The following CHST4 variants were observed in gnomAD, a reference collection of about 807,000 sequenced individuals.
The protein encoded by CHST4 is GST-3.
For synonymous variants in CHST4, 171 were observed against 195.5 expected, an observed-to-expected ratio of 0.87 and a Z score of 1.05; for missense variants, 466 against 506.0, an observed-to-expected ratio of 0.92 and a Z score of 0.76.
In CHST4 at chr16:71,537,578, C is replaced by T. The variant is rs2044001933; in HGVS notation, c.901C>T (p.His301Tyr). 1.9e-6 allele frequency: 3 copies of T among 1,614,056 alleles called. No individual in the cohort carries two copies. Among genetic ancestry groups the T allele is most frequent in the Non-Finnish European group, 2.5e-6 (3 of 1,180,050 alleles). Residue 301 changes from histidine (H) to tyrosine (Y), a missense_variant, in exon 2 of 2, where the codon CAT (histidine) becomes TAT (tyrosine). Coordinates refer to ENST00000539698, the MANE Select transcript of CHST4 (RefSeq NM_001166395.2). The surrounding 1 kb of genome is among the most constrained non-coding windows in gnomAD (Gnocchi z 4.2). The part of the protein sequence containing the change: ...YEFVGLEFLP[H>Y]LQTWVHNITR... ...ATTCGTGGGATTGGAATTCTTGCCC[C>T]ATCTTCAGACCTGGGTGCATAACAT...
At chr16:71,536,326 T>A (rs1469552113) in intron 1 of CHST4, among the ~76,000 whole-genome samples, 1 of 152,148 alleles carries the variant, frequency 6.6e-6, no homozygotes, top group Non-Finnish European at 1.5e-5. Flanking sequence ...GACATCCTTG[T>A]CATCAGGGCA....
At position 71,537,320 on chromosome 16, in the gene CHST4, G is replaced by A. The variant is rs1358483581; in HGVS notation, c.643G>A (p.Glu215Lys). The A allele has an allele frequency of 2.5e-6, 4 of 1,614,076 alleles. No homozygotes were observed. The highest frequency in any genetic ancestry group is 1.1e-5 in the South Asian group (1 of 91,092). ...RDPRAVFRSRERTKGDLMIDS... is the reference protein window; with the variant it reads ...RDPRAVFRSRKRTKGDLMIDS... ...CCCCCGGGCCGTGTTCCGTTCCCGA[G>A]AACGCACAAAGGGAGATCTCATGAT... Residue 215 changes from glutamate to lysine, a missense_variant, in exon 2 of 2, where the codon GAA (glutamate) becomes AAA (lysine). Physicochemically the swap from Glu to Lys is moderately conservative, Grantham distance 56. Coordinates refer to ENST00000539698, the MANE Select transcript of CHST4 (RefSeq NM_001166395.2). The surrounding 1 kb of genome is among the most constrained non-coding windows in gnomAD (Gnocchi z 4.2).
chr16:71,527,438 A>T (rs1238897173), intron 1 of CHST4, among the ~76,000 whole-genome samples: 1 of 152,222 alleles, frequency 6.6e-6, no homozygotes, highest in Non-Finnish European at 1.5e-5. Context: ...ATGAGACTTC[A>T]ATCAAATACA....
intron 1 of CHST4, among the ~76,000 whole-genome samples, chr16:71,534,503 A>G (rs1307176907): frequency 6.6e-6 from 1 of 151,732 alleles, no homozygotes; most frequent in Non-Finnish European, 1.5e-5. Flanking sequence ...GATTACAGGC[A>G]CCAGCCAACA....
At position 71,537,760 on chromosome 16, in the gene CHST4, C is replaced by A. The variant is rs3813744; in HGVS notation, c.1083C>A (p.His361Gln). ...GDAMNLLGYR[H>Q]VRSEQEQRNL... ...CCATGAATTTGCTGGGCTACCGCCACGTCAGATCTGAACAAGAACAGAGAA... is the reference window on the plus strand; with the variant it reads ...CCATGAATTTGCTGGGCTACCGCCAAGTCAGATCTGAACAAGAACAGAGAA... Residue 361 changes from histidine to glutamine, a missense_variant, in exon 2 of 2, where the codon CAC becomes CAA. By Grantham distance (24) the His-to-Gln change is conservative (BLOSUM62 0). Transcript: ENST00000539698. The surrounding 1 kb of genome is among the most constrained non-coding windows in gnomAD (Gnocchi z 4.2). 6.8e-6 allele frequency: 11 copies of A among 1,614,214 alleles called. No individual in the cohort carries two copies. In the East Asian group the frequency reaches 2.5e-4, roughly 36 times the overall value.
chr16:71,534,763 C>A (rs1033542026), intron 1 of CHST4, among the ~76,000 whole-genome samples: 1 of 152,122 alleles, frequency 6.6e-6, no homozygotes, highest in African/African-American at 2.4e-5. Context: ...CAGCTGACCC[C>A]CAAATCCAGC....
Position 71,536,801 on chromosome 16 carries a change from C to A in CHST4, c.124C>A (p.Arg42Ser). Residue 42 changes from arginine (R) to serine (S), a missense_variant, in exon 2 of 2, where the codon CGC becomes AGC. Arg to Ser is a moderately radical substitution (Grantham distance 110). Transcript: ENST00000539698. ...CCTGTCTATGAAGGCACAGCCCGAG[C>A]GCATGCACGTGCTGGTTCTGTCTTC... ...SSLSMKAQPERMHVLVLSSWR... is the reference protein window; with the variant it reads ...SSLSMKAQPESMHVLVLSSWR... The A allele has an allele frequency of 6.5e-7, 1 of 1,528,276 alleles. No individual in the cohort carries two copies. Among genetic ancestry groups the A allele is most frequent in the Non-Finnish European group, 8.8e-7 (1 of 1,138,554 alleles). 94.7% of individuals were successfully genotyped at this position (1,528,276 alleles called of 1,614,324 possible).
Position 71,537,386 on chromosome 16 carries a change from A to T in CHST4, c.709A>T (p.Lys237Ter). 6.2e-7 allele frequency: 1 copy of T among 1,614,028 alleles called. No homozygotes were observed. The highest frequency in any genetic ancestry group is 8.5e-7 in the Non-Finnish European group (1 of 1,179,978). Residue 237 changes from lysine (K) to a stop codon, truncating the protein, a stop_gained, in exon 2 of 2, where the codon AAG (lysine) becomes TAG (stop). Coordinates refer to ENST00000539698, the MANE Select transcript of CHST4 (RefSeq NM_001166395.2). LOFTEE classifies it low-confidence loss of function (END_TRUNC). The surrounding 1 kb of genome is among the most constrained non-coding windows in gnomAD (Gnocchi z 4.2). ...IVMGQHEQKL[K>*]KEDQPYYVMQ... ...GATGGGGCAGCATGAGCAAAAACTC[A>T]AGAAGGAGGACCAACCCTACTATGT...
chr16:71,538,465 CTT>C lies in CHST4; in HGVS notation c.*629_*630del, dbSNP rs1324548827. 3.6e-5 allele frequency: 6 copies of C among 167,174 alleles called. No homozygotes were observed. The highest frequency in any genetic ancestry group is 1.4e-4 in the African/African-American group (6 of 41,468). The allele number at this position is 167,174 out of a possible 1,614,324, so 10.4% of individuals were successfully genotyped here. A position where few individuals can be genotyped will look rare whatever the true frequency, so the allele number is the denominator to read the frequency against. ...CTGCATTTTCCCATCACATAGAAGA[CTT>C]TGACCTGTGAAGCTGCCATCTGTTA... On this transcript the variant is annotated 3_prime_UTR_variant, in exon 2 of 2. Coordinates refer to ENST00000539698, the MANE Select transcript of CHST4 (RefSeq NM_001166395.2).
chr16:71,528,855 G>A (rs1450487875), intron 1 of CHST4, among the ~76,000 whole-genome samples: 1 of 152,060 alleles, frequency 6.6e-6, no homozygotes, highest in Non-Finnish European at 1.5e-5. Flanking sequence ...ACTCTAATCA[G>A]CTGCTGCTTG....
chr16:71,528,218 C>G (rs2043921999), intron 1 of CHST4, among the ~76,000 whole-genome samples: 1 of 146,942 alleles, frequency 6.8e-6, no homozygotes, highest in Admixed American at 6.8e-5. Context: ...CCACTGCACT[C>G]CAGCCTGGAC....
intron 1 of CHST4, among the ~76,000 whole-genome samples, chr16:71,530,201 C>A (rs761941922): frequency 6.6e-5 from 10 of 151,858 alleles, no homozygotes; most frequent in Non-Finnish European, 1.0e-4. Flanking sequence ...AGGGAGAAGG[C>A]AGGCTCTCCC....
At chr16:71,536,174 A>G (rs2043986548) in intron 1 of CHST4, among the ~76,000 whole-genome samples, 1 of 152,116 alleles carries the variant, frequency 6.6e-6, no homozygotes, top group African/African-American at 2.4e-5. Context: ...CTCCCTTATG[A>G]TGGAGGGATG....
chr16:71,530,752 C>A (rs1253769810), intron 1 of CHST4, among the ~76,000 whole-genome samples: 1 of 149,610 alleles, frequency 6.7e-6, no homozygotes, highest in Non-Finnish European at 1.5e-5. Context: ...CCACCCTGGG[C>A]AACAGAGTGA....
At chr16:71,526,931 A>G (rs1470334717) in intron 1 of CHST4, among the ~76,000 whole-genome samples, 1 of 152,216 alleles carries the variant, frequency 6.6e-6, no homozygotes, top group African/African-American at 2.4e-5. Flanking sequence ...CAGTGTGATC[A>G]TTGAAAATTC....
rs1392972770 is a variant in CHST4 at position 71,537,701 on chromosome 16, A to G, written c.1024A>G (p.Lys342Glu). The G allele has an allele frequency of 1.9e-6, 3 of 1,614,036 alleles. No homozygotes were observed. Among genetic ancestry groups the G allele is most frequent in the Admixed American group, 3.3e-5 (2 of 60,004 alleles). The change falls in exon 2 of 2, where the codon AAG (lysine) becomes GAG (glutamate). Residue 342 changes from lysine to glutamate, a missense_variant. By Grantham distance (56) the Lys-to-Glu change is moderately conservative. Coordinates refer to ENST00000539698, the MANE Select transcript of CHST4 (RefSeq NM_001166395.2). This position sits in a 1 kb window ranked among gnomAD's most constrained non-coding sequence, Gnocchi z 4.2. Reference protein sequence around the residue: ...QAWRWSLPYEKVSRLQKACGD... With the variant: ...QAWRWSLPYEEVSRLQKACGD... ...TTGGCGCTGGTCTTTGCCCTATGAA[A>G]AGGTTTCTCGACTTCAGAAAGCCTG...
At chr16:71,533,373 C>T (rs772457249) in intron 1 of CHST4, among the ~76,000 whole-genome samples, 19 of 149,418 alleles carry the variant, frequency 1.3e-4, no homozygotes, top group Non-Finnish European at 2.5e-4. Flanking sequence ...TTCAGTCAAC[C>T]GAGATCGCGC....
rs145349950 is a variant in CHST4 at position 71,538,068 on chromosome 16, G to T, written c.*230G>T. ...GCAGCACATCCCACCAGTGAAACAG[G>T]GTATTGCTCTTCTTCTTTTCTTGAT... is the stretch of plus-strand genomic sequence containing the variant. On this transcript the variant is annotated 3_prime_UTR_variant, in exon 2 of 2. Transcript: ENST00000539698. 3.9e-4 allele frequency: 219 copies of T among 560,186 alleles called. No homozygotes were observed. Among genetic ancestry groups the T allele is most frequent in the African/African-American group, 3.9e-3 (205 of 53,122 alleles). 34.7% of individuals were successfully genotyped at this position (560,186 alleles called of 1,614,324 possible). A position where few individuals can be genotyped will look rare whatever the true frequency, so the allele number is the denominator to read the frequency against.
chr16:71,536,968 G>A lies in CHST4; in HGVS notation c.291G>A (p.Leu97=). ...AWMLHMAVRD[L]IRAVFLCDMS... ...TGCTGCACATGGCTGTGCGGGATCT[G>A]ATACGGGCCGTCTTCTTGTGCGACA... is the stretch of plus-strand genomic sequence containing the variant. The change falls in exon 2 of 2, where the codon CTG becomes CTA. Residue 97 remains leucine, a synonymous_variant. Coordinates refer to ENST00000539698, the MANE Select transcript of CHST4 (RefSeq NM_001166395.2). 1 of 1,614,020 alleles carries A rather than the reference G, an allele frequency of 6.2e-7. No homozygotes were observed. The highest frequency in any genetic ancestry group is 8.5e-7 in the Non-Finnish European group (1 of 1,179,930).
Sources: allele counts gnomAD v4.1 joint callset (sites outside exome capture counted in the v4.1 genomes callset), GRCh38; gene constraint gnomAD v4.1.1; non-coding constraint Gnocchi (gnomAD v3.1); transcripts MANE v1.5; gene names NCBI Gene and HGNC (gene_info 2026-07-23, HGNC 2026-07-21).